CROCC2: variants seen among roughly 807,000 people sequenced by gnomAD.
CROCC2 encodes ciliary rootlet coiled-coil, rootletin family member 2, also known as ciliary rootlet coiled-coil protein 2.
Under a neutral mutation model 177.6 loss-of-function variants are expected in CROCC2, and 163 were observed. The ratio of observed to expected loss-of-function variants is 0.92; its 90% CI spans 0.81 to 1.05. The LOEUF (loss-of-function observed/expected upper bound fraction) is 1.05, where lower values mean the gene tolerates loss of function less well. Among genes scored for constraint, CROCC2 ranks in the 50% least tolerant of loss-of-function variants. CROCC2 has a pLI of 0.00. For missense variants in CROCC2, 1,929 were observed against 1,797.8 expected (o/e 1.07, Z -1.32); for synonymous variants, 904 against 787.3 (o/e 1.15, Z -2.48).
intron 31 of CROCC2, among the ~76,000 whole-genome samples, chr2:240,991,627 G>A (rs2106496468): frequency 6.6e-6 from 1 of 152,310 alleles, no homozygotes; most frequent in African/African-American, 2.4e-5. Flanking sequence ...ATCTCTGACA[G>A]CCCCTTCCCC....
At chr2:240,912,811 C>T (rs1042439693) in intron 1 of CROCC2, among the ~76,000 whole-genome samples, 5 of 152,206 alleles carry the variant, frequency 3.3e-5, no homozygotes, top group African/African-American at 7.2e-5. Context: ...CCCTACTTTG[C>T]GGCTATCCAG....
chr2:240,969,367 T>G (rs2059706486), intron 27 of CROCC2, among the ~76,000 whole-genome samples: 1 of 152,154 alleles, frequency 6.6e-6, no homozygotes, highest in South Asian at 2.1e-4. Context: ...CCTGAGCCTC[T>G]GAGGAGGTGG....
chr2:240,911,656 T>TC (rs1388128260), intron 1 of CROCC2, among the ~76,000 whole-genome samples: 1 of 150,818 alleles, frequency 6.6e-6, no homozygotes, highest in Non-Finnish European at 1.5e-5. Context: ...CACGCCCCAT[T>TC]CCCCCCTCTC....
chr2:240,907,590 C>T (rs1274452928), intron 1 of CROCC2, among the ~76,000 whole-genome samples: 5 of 152,144 alleles, frequency 3.3e-5, no homozygotes, highest in Admixed American at 3.3e-4. Context: ...TGCAGGTGAC[C>T]GAGTGACAGG....
At chr2:240,987,759 AC>A (rs1033448938) in intron 28 of CROCC2, among the ~76,000 whole-genome samples, 36 of 152,190 alleles carry the variant, frequency 2.4e-4, no homozygotes, top group Non-Finnish European at 4.4e-5. Context: ...CAAGGCTGTC[AC>A]CCCTGTGGAC....
At chr2:240,955,458 C>T (rs923587496) in intron 18 of CROCC2, 46 of 167,728 alleles carry the variant, frequency 2.7e-4, no homozygotes, top group African/African-American at 1.0e-3. Context: ...GGAGCATTTT[C>T]GGGCTTTTAA....
chr2:240,921,048 T>C (rs773506480), intron 3 of CROCC2, among the ~76,000 whole-genome samples: 13 of 152,148 alleles, frequency 8.5e-5, no homozygotes, highest in Non-Finnish European at 1.2e-4. Context: ...CAGCCAGTGA[T>C]CACCCAGGCC....
At position 240,946,261 on chromosome 2, in the gene CROCC2, AG is replaced by A. The variant is rs1275740145; in HGVS notation, c.2363+11del. ...AGAGGCAGCTGATCTCAGGTATGCA[AG>A]GGCCTGCCAGTCAGGGCATGTCCCA... On this transcript the variant is annotated intron_variant, in intron 15 of 31. Transcript: ENST00000690015. The A allele has an allele frequency of 6.6e-7, 1 of 1,519,568 alleles. No individual in the cohort carries two copies. Among genetic ancestry groups the A allele is most frequent in the South Asian group, 1.2e-5 (1 of 81,814 alleles). The allele number at this position is 1,519,568 out of a possible 1,614,324, so 94.1% of individuals were successfully genotyped here.
chr2:240,912,959 C>T (rs552928368), intron 1 of CROCC2, among the ~76,000 whole-genome samples: 8 of 152,144 alleles, frequency 5.3e-5, no homozygotes, highest in East Asian at 1.9e-4. Context: ...CCACGGTGCC[C>T]GTCGCTGAGC....
At chr2:240,936,292 C>T (rs956165572) in intron 14 of CROCC2, among the ~76,000 whole-genome samples, 2 of 152,198 alleles carry the variant, frequency 1.3e-5, no homozygotes, top group African/African-American at 4.8e-5. Context: ...AGACACAGAA[C>T]ATTTTTGTCA....
rs1198031454 is a variant in CROCC2 at position 240,983,489 on chromosome 2, C to G, written c.4551+460C>G. 10 of 1,241,680 alleles carry G rather than the reference C, an allele frequency of 8.1e-6. No individual in the cohort carries two copies. The East Asian group carries it at 7.1e-4, about 88-fold the overall frequency. 76.9% of individuals were successfully genotyped at this position (1,241,680 alleles called of 1,614,324 possible). A position where few individuals can be genotyped will look rare whatever the true frequency, so the allele number is the denominator to read the frequency against. On this transcript the variant is annotated intron_variant, in intron 28 of 31. Transcript: ENST00000690015. Reference sequence around the variant, plus strand: ...GGCGGCCGAGGCGCAGGCGGAGAGGCGCGTCCTGCAGGAGCAGACGGCGGC... The same window carrying G: ...GGCGGCCGAGGCGCAGGCGGAGAGGGGCGTCCTGCAGGAGCAGACGGCGGC...
At chr2:240,987,575 CCTCT>C (rs2059848935) in intron 28 of CROCC2, among the ~76,000 whole-genome samples, 2 of 152,220 alleles carry the variant, frequency 1.3e-5, no homozygotes, top group African/African-American at 4.8e-5. Flanking sequence ...CAAATTATCC[CCTCT>C]GTCTTAGGGC....
chr2:240,950,533 G>A, intron 18 of CROCC2, 23 bp downstream of exon 18: 2 of 1,538,178 alleles, frequency 1.3e-6, no homozygotes, highest in Non-Finnish European at 1.8e-6. Flanking sequence ...CTGGGGGGCA[G>A]CGGGATTGCT....
At chr2:240,963,890 T>A in intron 21 of CROCC2, 117 bp downstream of exon 21, 1 of 1,098,134 alleles carries the variant, frequency 9.1e-7, no homozygotes, top group Non-Finnish European at 1.3e-6. Context: ...TGGGCCCCAC[T>A]GATGGTGGGG....
intron 20 of CROCC2, among the ~76,000 whole-genome samples, chr2:240,961,811 A>ACT (rs1491226863): frequency 2.7e-5 from 2 of 73,140 alleles, no homozygotes; most frequent in Admixed American, 1.2e-4. Flanking sequence ...ATACACTCAC[A>ACT]TACACTCACA....
chr2:240,933,616 G>A (rs991346370), intron 10 of CROCC2, 54 bp from the exon 11 acceptor site: 95 of 1,519,900 alleles, frequency 6.3e-5, no homozygotes, highest in Non-Finnish European at 7.3e-5. Context: ...CAAGGCACGC[G>A]GTGCACCTTG....
chr2:240,966,135 C>T, intron 24 of CROCC2, 90 bp from the exon 25 acceptor site: 2 of 1,255,636 alleles, frequency 1.6e-6, no homozygotes, highest in Non-Finnish European at 1.0e-6. Context: ...CCCCAACCTC[C>T]CATGGCTGGG....
At position 240,933,202 on chromosome 2, in the gene CROCC2, G is replaced by A. The variant is rs556270442; in HGVS notation, c.1323G>A (p.Arg441=). Residue 441 remains arginine (R), a synonymous_variant, in exon 10 of 32, where the codon CGG becomes CGA. Coordinates refer to ENST00000690015, the MANE Select transcript of CROCC2 (RefSeq NM_001351305.2). ...ASLQEQLSES[R]RELWAAQKLQ... ...TCCAGGAGCAGCTGTCCGAAAGCCG[G>A]CGGGAGCTGTGGGCCGCACAGAAGC... is the stretch of plus-strand genomic sequence containing the variant. 5 of 1,549,716 alleles carry A rather than the reference G, an allele frequency of 3.2e-6. No individual in the cohort carries two copies. In the South Asian group the frequency reaches 4.8e-5, roughly 15 times the overall value.
At chr2:240,971,364 T>C (rs2059719680) in intron 27 of CROCC2, among the ~76,000 whole-genome samples, 1 of 152,212 alleles carries the variant, frequency 6.6e-6, no homozygotes, top group Non-Finnish European at 1.5e-5. Flanking sequence ...AGCAACATGT[T>C]ACCAGCTTTG....
Sources: gnomAD v4.1 joint callset for allele counts (sites outside exome capture counted in the v4.1 genomes callset) on GRCh38, gnomAD v4.1.1 for gene constraint, MANE v1.5 for transcripts, NCBI Gene and HGNC (gene_info 2026-07-23, HGNC 2026-07-21) for gene names.